WHR1: variants seen among roughly 807,000 people sequenced by gnomAD.
WHR1 encodes the protein MHC class III HLA-RP1.
At chr6:31,976,637 G>T in the WHR1 span, among the ~76,000 whole-genome samples, 1 of 152,194 alleles carries the variant, frequency 6.6e-6, no homozygotes, top group South Asian at 2.1e-4. Context: ...CTTCCCAGAC[G>T]GGGTGGCGGC....
the WHR1 span, chr6:31,979,049 G>A: frequency 6.3e-7 from 1 of 1,579,312 alleles, no homozygotes; most frequent in Non-Finnish European, 8.7e-7. Flanking sequence ...CAGGTTGGGG[G>A]AGACAGGGAA....
At chr6:31,978,346 C>T in the WHR1 span, among the ~76,000 whole-genome samples, 1 of 152,072 alleles carries the variant, frequency 6.6e-6, no homozygotes, top group South Asian at 2.1e-4. Flanking sequence ...CTGTGTTGCC[C>T]AGACTGGTCT....
chr6:31,979,474 G>T, the WHR1 span: 4 of 1,612,938 alleles, frequency 2.5e-6, no homozygotes, highest in Non-Finnish European at 3.4e-6. Flanking sequence ...TCTAGCTTCA[G>T]TACTTCCAGC....
the WHR1 span, among the ~76,000 whole-genome samples, chr6:31,978,283 C>T: frequency 4.0e-5 from 6 of 151,862 alleles, no homozygotes; most frequent in South Asian, 2.1e-4. Flanking sequence ...TCTGCCCCCA[C>T]GCCTGGCTGT....
chr6:31,977,210 T>A, the WHR1 span, among the ~76,000 whole-genome samples: 3 of 152,078 alleles, frequency 2.0e-5, no homozygotes, highest in Non-Finnish European at 2.9e-5. Flanking sequence ...TCTTACCCTG[T>A]CACCAAGCTG....
At chr6:31,979,718 C>T in the WHR1 span, 1 of 874,364 alleles carries the variant, frequency 1.1e-6, no homozygotes, top group Non-Finnish European at 1.7e-6. Flanking sequence ...TTCCTCCCCA[C>T]AAGAGAGGAG....
the WHR1 span, among the ~76,000 whole-genome samples, chr6:31,977,308 A>G: frequency 6.7e-6 from 1 of 148,682 alleles, no homozygotes; most frequent in Non-Finnish European, 1.5e-5. Context: ...AGTAGCTGGC[A>G]TTACAGGCAC....
chr6:31,971,605 C>G, the WHR1 span: 1 of 1,613,420 alleles, frequency 6.2e-7, no homozygotes, highest in Non-Finnish European at 8.5e-7. The surrounding 1 kb of genome is among the most constrained non-coding windows in gnomAD (Gnocchi z 4.5). Flanking sequence ...AGGTGCTGGA[C>G]GAGGTAGTTT....
At chr6:31,976,807 C>G in the WHR1 span, among the ~76,000 whole-genome samples, 2 of 152,260 alleles carry the variant, frequency 1.3e-5, no homozygotes, top group African/African-American at 4.8e-5. Context: ...CTCCGGAGGC[C>G]GAGGCTGGCG....
the WHR1 span, chr6:31,972,393 TA>T: frequency 1.2e-6 from 2 of 1,612,938 alleles, no homozygotes; most frequent in Non-Finnish European, 1.7e-6. This position sits in a 1 kb window ranked among gnomAD's most constrained non-coding sequence, Gnocchi z 6.3. Flanking sequence ...CCTTCCCCGG[TA>T]CCATAAAATC....
At chr6:31,977,493 C>T in the WHR1 span, among the ~76,000 whole-genome samples, 1 of 151,974 alleles carries the variant, frequency 6.6e-6, no homozygotes, top group Admixed American at 6.5e-5. Flanking sequence ...AGGTGCCCGC[C>T]ACTATGCCTG....
the WHR1 span, chr6:31,971,393 G>A: frequency 1.4e-5 from 23 of 1,591,354 alleles, no homozygotes; most frequent in South Asian, 4.5e-5. The surrounding 1 kb of genome is among the most constrained non-coding windows in gnomAD (Gnocchi z 4.5). Context: ...TCCTCGTCCC[G>A]GGGCTGGTAT....
the WHR1 span, chr6:31,971,795 A>G: frequency 1.5e-6 from 2 of 1,335,226 alleles, no homozygotes; most frequent in African/African-American, 1.5e-5. The surrounding 1 kb of genome is among the most constrained non-coding windows in gnomAD (Gnocchi z 4.5). Flanking sequence ...TGAAACATTC[A>G]GGCCCCTCAG....
At chr6:31,974,175 G>T in the WHR1 span, among the ~76,000 whole-genome samples, 22 of 151,870 alleles carry the variant, frequency 1.4e-4, no homozygotes, top group African/African-American at 5.1e-4. Flanking sequence ...AGCTACTGGG[G>T]AGGCTGAGGT....
the WHR1 span, chr6:31,972,120 G>A: frequency 6.2e-7 from 1 of 1,612,886 alleles, no homozygotes; most frequent in Non-Finnish European, 8.5e-7. This position sits in a 1 kb window ranked among gnomAD's most constrained non-coding sequence, Gnocchi z 6.3. Context: ...GGCCACCGGC[G>A]CCCCTCCACG....
chr6:31,978,935 C>G, the WHR1 span: 1 of 1,612,578 alleles, frequency 6.2e-7, no homozygotes. Flanking sequence ...AGATCAGAAT[C>G]GTCCAGCTGG....
chr6:31,972,233 C>T, the WHR1 span: 1 of 1,613,048 alleles, frequency 6.2e-7, no homozygotes, highest in Non-Finnish European at 8.5e-7. This position sits in a 1 kb window ranked among gnomAD's most constrained non-coding sequence, Gnocchi z 6.3. Context: ...GCGTCGCCAC[C>T]GCCCCTCCCA....
At chr6:31,977,154 T>C in the WHR1 span, among the ~76,000 whole-genome samples, 1 of 152,138 alleles carries the variant, frequency 6.6e-6, no homozygotes, top group South Asian at 2.1e-4. Context: ...CCTAGATTAA[T>C]AAATGCCCTC....
the WHR1 span, chr6:31,972,340 C>G: frequency 6.2e-7 from 1 of 1,613,140 alleles, no homozygotes; most frequent in Non-Finnish European, 8.5e-7. The surrounding 1 kb of genome is among the most constrained non-coding windows in gnomAD (Gnocchi z 6.3). Flanking sequence ...CTGCTCTGCG[C>G]CGGAAGACCC....
Sources: allele counts gnomAD v4.1 joint callset (sites outside exome capture counted in the v4.1 genomes callset), GRCh38; gene constraint gnomAD v4.1.1; non-coding constraint Gnocchi (gnomAD v3.1); transcripts MANE v1.5; gene names NCBI Gene and HGNC (gene_info 2026-07-23, HGNC 2026-07-21).